The following VPS8 variants were observed in gnomAD, a reference collection of about 807,000 sequenced individuals.
VPS8 encodes VPS8 subunit of CORVET complex.
A neutral mutation model predicts 216.4 loss-of-function variants in VPS8; 129 were observed. The ratio of observed to expected loss-of-function variants is 0.60; its 90% CI spans 0.52 to 0.69. The LOEUF (loss-of-function observed/expected upper bound fraction) is 0.69, where lower values mean the gene tolerates loss of function less well. VPS8 is among the 30% of genes least tolerant of loss of function. The pLI is 0.00. For missense variants in VPS8, 1,531 were observed against 1,683.5 expected, an observed-to-expected ratio of 0.91 and a Z score of 1.59; for synonymous variants, 571 against 565.4, an observed-to-expected ratio of 1.01 and a Z score of -0.14.
chr3:184,948,105 T>C (rs1744007824), intron 36 of VPS8, among the ~76,000 whole-genome samples: 2 of 152,166 alleles, frequency 1.3e-5, no homozygotes, highest in African/African-American at 4.8e-5. Context: ...CCATTCTTAC[T>C]AAAGATATTT....
chr3:185,008,384 TG>T (rs770469873), intron 45 of VPS8, among the ~76,000 whole-genome samples: 17 of 152,334 alleles, frequency 1.1e-4, no homozygotes, highest in Non-Finnish European at 2.2e-4. Context: ...GACGATACAT[TG>T]GTGAACAAAA....
At chr3:184,836,127 A>C (rs574876038) in intron 5 of VPS8, 2 of 370,536 alleles carry the variant, frequency 5.4e-6, no homozygotes, top group African/African-American at 4.3e-5. Flanking sequence ...CAACAACAAC[A>C]AAAGTATTTA....
chr3:184,859,873 C>A, intron 14 of VPS8, 112 bp from the exon 15 acceptor site: 2 of 676,096 alleles, frequency 3.0e-6, no homozygotes, highest in South Asian at 2.3e-5. Context: ...GGCTTATCTA[C>A]AGGGAATGGG....
Position 185,052,112 on chromosome 3 carries a change from A to G in VPS8, c.*87A>G. ...CCCGCCTCTGGTGGGCTTGGCCTCC[A>G]CCACCTCCCACGCTTCTGAGAAGAG... On this transcript the variant is annotated 3_prime_UTR_variant, in exon 48 of 48. Coordinates refer to ENST00000625842, the MANE Select transcript of VPS8 (RefSeq NM_001009921.3). 7.0e-7 allele frequency: 1 copy of G among 1,421,854 alleles called. No individual in the cohort carries two copies. The highest frequency in any genetic ancestry group is 9.3e-7 in the Non-Finnish European group (1 of 1,072,746). 88.1% of individuals were successfully genotyped at this position (1,421,854 alleles called of 1,614,324 possible).
intron 46 of VPS8, among the ~76,000 whole-genome samples, chr3:185,028,786 C>T (rs775129925): frequency 3.3e-5 from 5 of 152,234 alleles, no homozygotes; most frequent in Non-Finnish European, 5.9e-5. Context: ...ACTTAATGCT[C>T]ATCTCCCATT....
At chr3:184,987,352 G>T (rs1751258345) in intron 42 of VPS8, among the ~76,000 whole-genome samples, 1 of 151,978 alleles carries the variant, frequency 6.6e-6, no homozygotes, top group Non-Finnish European at 1.5e-5. Context: ...GGCTTCAAGT[G>T]ATCTGCCCAC....
chr3:184,914,753 G>A (rs902679826), intron 26 of VPS8, among the ~76,000 whole-genome samples: 1 of 152,088 alleles, frequency 6.6e-6, no homozygotes, highest in African/African-American at 2.4e-5. Flanking sequence ...ACGAAGAAAC[G>A]AAAGCTCCCA....
intron 25 of VPS8, among the ~76,000 whole-genome samples, chr3:184,907,603 G>T (rs1735720539): frequency 1.3e-5 from 2 of 152,076 alleles, no homozygotes; most frequent in African/African-American, 4.8e-5. Flanking sequence ...AAAATAATCT[G>T]CACACCATGG....
chr3:184,905,618 CTTTTTT>C (rs59430187), intron 25 of VPS8, among the ~76,000 whole-genome samples: 1 of 125,658 alleles, frequency 8.0e-6, no homozygotes, highest in South Asian at 2.5e-4. Flanking sequence ...AAGCTCAGCT[CTTTTTT>C]TTTTTTTTTT....
chr3:184,910,227 G>C (rs1452515835), intron 25 of VPS8, among the ~76,000 whole-genome samples: 2 of 147,812 alleles, frequency 1.4e-5, no homozygotes, highest in African/African-American at 5.1e-5. Context: ...TCCGCCTCCC[G>C]GGTTCACGCC....
chr3:185,011,414 CAG>C (rs908576521), intron 45 of VPS8, among the ~76,000 whole-genome samples: 21 of 152,122 alleles, frequency 1.4e-4, no homozygotes, highest in African/African-American at 4.8e-4. Flanking sequence ...GATGAAGAAA[CAG>C]AGGTCAAAGT....
chr3:185,009,152 T>G (rs1754648217), intron 45 of VPS8, among the ~76,000 whole-genome samples: 1 of 152,158 alleles, frequency 6.6e-6, no homozygotes, highest in Admixed American at 6.5e-5. Flanking sequence ...TGCAGAAAAA[T>G]CTTCATACAG....
intron 10 of VPS8, among the ~76,000 whole-genome samples, chr3:184,850,575 TC>T (rs1724059361): frequency 6.6e-6 from 1 of 152,176 alleles, no homozygotes; most frequent in Non-Finnish European, 1.5e-5. Context: ...GTCTTGGCTT[TC>T]TCCTTATAGG....
rs1005100943 is a variant in VPS8 at position 184,870,832 on chromosome 3, A to G, written c.1734+27A>G. ...TACACATTGCATGTGCTTCCAGTAGACGATGCTCTGGATAGGTCTAATACT... is the reference window on the plus strand; with the variant it reads ...TACACATTGCATGTGCTTCCAGTAGGCGATGCTCTGGATAGGTCTAATACT... On this transcript the variant is annotated intron_variant, in intron 21 of 47. Coordinates refer to ENST00000625842, the MANE Select transcript of VPS8 (RefSeq NM_001009921.3). 12 of 1,580,906 alleles carry G rather than the reference A, an allele frequency of 7.6e-6. No homozygotes were observed. In the Admixed American group the frequency reaches 1.7e-4, roughly 23 times the overall value.
intron 24 of VPS8, among the ~76,000 whole-genome samples, chr3:184,900,014 C>T (rs905163251): frequency 5.3e-5 from 8 of 152,174 alleles, no homozygotes; most frequent in African/African-American, 1.9e-4. Context: ...GAGAAGGTGT[C>T]CTGTCTCTTG....
At chr3:184,852,239 A>G (rs11720538) in intron 10 of VPS8, among the ~76,000 whole-genome samples, 34,725 of 152,058 alleles carry the variant, frequency 0.23, 4,852 homozygotes, top group East Asian at 0.63. Flanking sequence ...TTAATCAATC[A>G]TAGTTTGTAT....
chr3:185,003,172 A>AATTGATC (rs1753665518), intron 45 of VPS8, among the ~76,000 whole-genome samples: 1 of 34,388 alleles, frequency 2.9e-5, no homozygotes, highest in African/African-American at 1.3e-4. Flanking sequence ...TTTTTTTTTT[A>AATTGATC]ATTGATCATT....
intron 6 of VPS8, chr3:184,838,974 A>G (rs971864788): frequency 1.1e-4 from 48 of 432,678 alleles, no homozygotes; most frequent in Middle Eastern, 6.2e-4. Flanking sequence ...ATGGAGTAAT[A>G]TTAGCCTTCT....
intron 29 of VPS8, among the ~76,000 whole-genome samples, chr3:184,924,547 T>C (rs1739220117): frequency 6.6e-6 from 1 of 152,042 alleles, no homozygotes; most frequent in Admixed American, 6.6e-5. Context: ...AGAAGGATTC[T>C]CTAAGAATTA....
Sources: gnomAD v4.1 joint callset for allele counts (sites outside exome capture counted in the v4.1 genomes callset) on GRCh38, gnomAD v4.1.1 for gene constraint, MANE v1.5 for transcripts, NCBI Gene and HGNC (gene_info 2026-07-23, HGNC 2026-07-21) for gene names.